The following ZNF571 variants were observed in gnomAD, a reference collection of about 807,000 sequenced individuals.
The protein encoded by ZNF571 is zinc finger protein 571.
Under a neutral mutation model 7.7 loss-of-function variants are expected in ZNF571, and 4 were observed. The ratio of observed to expected loss-of-function variants is 0.52; its 90% CI spans 0.25 to 1.18. The LOEUF is 1.18. Ranked by LOEUF, ZNF571 falls within the 50% of genes most tolerant of loss-of-function variation. The probability of loss-of-function intolerance (pLI) is 0.14; values close to 1 mark genes in which losing one functional copy is unlikely to be tolerated. For synonymous variants in ZNF571, 251 were observed against 232.4 expected (o/e 1.08, Z -0.73); for missense variants, 704 against 726.9 (o/e 0.97, Z 0.36).
At chr19:37,568,285 A>T (rs1004190854) in intron 3 of ZNF571, among the ~76,000 whole-genome samples, 1 of 151,236 alleles carries the variant, frequency 6.6e-6, no homozygotes, top group African/African-American at 2.4e-5. Context: ...TTTGCTGAAA[A>T]GCAAAAAGAA....
At chr19:37,586,902 G>T (rs901693827) in intron 1 of ZNF571, 157 bp from the exon 2 acceptor site, 3 of 570,986 alleles carry the variant, frequency 5.3e-6, no homozygotes, top group Non-Finnish European at 9.3e-6. Flanking sequence ...AAGGGGTTCA[G>T]GCAGACCTTT....
chr19:37,582,660 CG>C (rs1431670536), intron 3 of ZNF571, among the ~76,000 whole-genome samples: 2 of 152,172 alleles, frequency 1.3e-5, no homozygotes, highest in Non-Finnish European at 2.9e-5. Context: ...ATATCAAATA[CG>C]TAACTCTTGA....
chr19:37,564,613 T>G lies in ZNF571; in HGVS notation c.1815A>C (p.Thr605=). The part of the protein sequence containing the change: ...FRCPSQLTQH[T]RLHN Reference sequence around the variant, plus strand: ...CAAGGCTTTCTCAATTATGAAGCCTTGTATGTTGAGTAAGTTGTGAAGGAC... The same window carrying G: ...CAAGGCTTTCTCAATTATGAAGCCTGGTATGTTGAGTAAGTTGTGAAGGAC... Residue 605 remains threonine (T), a synonymous_variant, in exon 4 of 4, where the codon ACA becomes ACC. Transcript: ENST00000451802. 6.5e-7 allele frequency: 1 copy of G among 1,539,512 alleles called. No individual in the cohort carries two copies. The highest frequency in any genetic ancestry group is 8.7e-7 in the Non-Finnish European group (1 of 1,144,130).
Position 37,569,263 on chromosome 19 carries a change from C to T in ZNF571, c.137-2972G>A, listed in dbSNP as rs1189526478. ...TCACTGCGCCTGGCCCCAAAGCATC[C>T]GGAACCACAACAAAAACCTACTCAG... On this transcript the variant is annotated intron_variant, in intron 3 of 3. Transcript: ENST00000451802. The surrounding 1 kb of genome is among the most constrained non-coding windows in gnomAD (Gnocchi z 4.4). 2.0e-5 allele frequency among the ~76,000 whole-genome samples: 3 copies of T among 151,936 alleles called. No individual in the cohort carries two copies. Among genetic ancestry groups the T allele is most frequent in the African/African-American group, 4.8e-5 (2 of 41,380 alleles).
chr19:37,566,576 C>T (rs142946934), intron 3 of ZNF571: 5 of 270,450 alleles, frequency 1.8e-5, no homozygotes, highest in Non-Finnish European at 2.8e-5. Flanking sequence ...ATAAAAACAC[C>T]CTCTTGAAAA....
chr19:37,579,202 C>T (rs1285471099), intron 3 of ZNF571, among the ~76,000 whole-genome samples: 1 of 152,230 alleles, frequency 6.6e-6, no homozygotes, highest in Non-Finnish European at 1.5e-5. Flanking sequence ...CTCCCCACAT[C>T]ATAGCCAGCA....
chr19:37,566,383 T>C (rs2042860777), intron 3 of ZNF571, 92 bp from the exon 4 acceptor site: 1 of 1,412,686 alleles, frequency 7.1e-7, no homozygotes, highest in Non-Finnish European at 9.5e-7. Context: ...ATAATTCTCA[T>C]TAAGAATAGA....
chr19:37,564,925 G>A lies in ZNF571; in HGVS notation c.1503C>T (p.Pro501=), dbSNP rs759898694. The A allele has an allele frequency of 1.2e-6, 2 of 1,613,988 alleles. No individual in the cohort carries two copies. Among genetic ancestry groups the A allele is most frequent in the Admixed American group, 3.3e-5 (2 of 60,010 alleles). ...CCTTGTCACATTCCTTACATTTGTAGGGCTTTTCACCTGTATGAATTCTTT... is the reference window on the plus strand; with the variant it reads ...CCTTGTCACATTCCTTACATTTGTAAGGCTTTTCACCTGTATGAATTCTTT... ...YHQRIHTGEK[P]YKCKECDKAF... Residue 501 remains proline, a synonymous_variant, in exon 4 of 4, where the codon CCC becomes CCT. Transcript: ENST00000451802.
chr19:37,584,655 G>T (rs1201924724), intron 2 of ZNF571, among the ~76,000 whole-genome samples: 1 of 151,996 alleles, frequency 6.6e-6, no homozygotes, highest in African/African-American at 2.4e-5. Context: ...TGCTTATTTG[G>T]GAGTATCTGA....
intron 3 of ZNF571, among the ~76,000 whole-genome samples, chr19:37,579,438 A>C (rs1182607779): frequency 6.6e-6 from 1 of 152,244 alleles, no homozygotes; most frequent in African/African-American, 2.4e-5. Flanking sequence ...CCCCTTCTAC[A>C]GGAAGCAGCA....
chr19:37,578,392 C>G (rs766950208), intron 3 of ZNF571, among the ~76,000 whole-genome samples: 39 of 152,146 alleles, frequency 2.6e-4, no homozygotes, highest in Non-Finnish European at 4.7e-4. Flanking sequence ...GCCACACTTC[C>G]CACATGGCCC....
At chr19:37,574,837 T>C (rs2147174576) in intron 3 of ZNF571, among the ~76,000 whole-genome samples, 1 of 152,306 alleles carries the variant, frequency 6.6e-6, no homozygotes, top group South Asian at 2.1e-4. Context: ...CAGAGTAATC[T>C]CAGTAACAAT....
At chr19:37,582,565 A>G (rs1027710255) in intron 3 of ZNF571, among the ~76,000 whole-genome samples, 1 of 152,028 alleles carries the variant, frequency 6.6e-6, no homozygotes, top group Non-Finnish European at 1.5e-5. Context: ...GTAATCCCAT[A>G]TTTATCTCTT....
chr19:37,592,576 A>G (rs900829623), intron 1 of ZNF571, among the ~76,000 whole-genome samples: 1 of 152,246 alleles, frequency 6.6e-6, no homozygotes, highest in Non-Finnish European at 1.5e-5. Flanking sequence ...AGGTGAAAAA[A>G]AGGAAAGGAT....
Position 37,565,981 on chromosome 19 carries a change from G to C in ZNF571, c.447C>G (p.Ser149Arg), listed in dbSNP as rs772411615. Reference protein sequence around the residue: ...YKCKECRQGFSYLSCLIQHEE... With the variant: ...YKCKECRQGFRYLSCLIQHEE... ...CATGTTGAATAAGGCATGACAGGTA[G>C]CTGAAACCTTGTCTGCATTCCTTAC... Residue 149 changes from serine (S) to arginine (R), a missense_variant, in exon 4 of 4, where the codon AGC becomes AGG. Ser to Arg is a moderately radical substitution (Grantham distance 110). Transcript: ENST00000451802. 4.3e-6 allele frequency: 7 copies of C among 1,613,772 alleles called. No homozygotes were observed. Among genetic ancestry groups the C allele is most frequent in the Middle Eastern group, 3.3e-4 (2 of 6,062 alleles).
At chr19:37,583,750 C>T (rs548011998) in intron 3 of ZNF571, 1 of 441,354 alleles carries the variant, frequency 2.3e-6, no homozygotes, top group Non-Finnish European at 4.0e-6. Flanking sequence ...AGATTCAAAT[C>T]TAGTCCATTG....
chr19:37,565,253 T>A lies in ZNF571; in HGVS notation c.1175A>T (p.Lys392Ile). 6.2e-7 allele frequency: 1 copy of A among 1,612,034 alleles called. No individual in the cohort carries two copies. Among genetic ancestry groups the A allele is most frequent in the African/African-American group, 1.3e-5 (1 of 74,814 alleles). ...AAAGGCTTTCCCACATTCTTTGCAT[T>A]TATAAGGTCTCTCACCTGAATGAAC... Reference protein sequence around the residue: ...LRVHSGERPYKCKECGKAFIS... With the variant: ...LRVHSGERPYICKECGKAFIS... Residue 392 changes from lysine (K) to isoleucine (I), a missense_variant, in exon 4 of 4, where the codon AAA (lysine) becomes ATA (isoleucine). Lys to Ile is a moderately radical substitution (Grantham distance 102, BLOSUM62 -3). Coordinates refer to ENST00000451802, the MANE Select transcript of ZNF571 (RefSeq NM_016536.5).
chr19:37,566,294 G>A lies in ZNF571; in HGVS notation c.137-3C>T, dbSNP rs2042856978. 1 of 1,581,748 alleles carries A rather than the reference G, an allele frequency of 6.3e-7. No individual in the cohort carries two copies. Among genetic ancestry groups the A allele is most frequent in the African/African-American group, 1.4e-5 (1 of 73,376 alleles). On this transcript the variant is annotated splice_polypyrimidine_tract_variant and splice_region_variant and intron_variant, in intron 3 of 3. Coordinates refer to ENST00000451802, the MANE Select transcript of ZNF571 (RefSeq NM_016536.5). ...GGTCACACAACTGGATTCCAAGTCT[G>A]TAGAATAAAAAGAAAGCAAATTCCT... is the stretch of plus-strand genomic sequence containing the variant.
rs150609354 is a variant in ZNF571 at position 37,564,754 on chromosome 19, A to G, written c.1674T>C (p.Tyr558=). The G allele has an allele frequency of 2.4e-5, 39 of 1,613,614 alleles. No homozygotes were observed. Among genetic ancestry groups the G allele is most frequent in the Admixed American group, 5.0e-5 (3 of 59,968 alleles). ...AGGCCCTCCCACATTCCTTACATTC[A>G]TAGGGTTTCTCTCCAGTATGAGTTC... ...HLRTHTGEKP[Y]ECKECGRAFS... The change falls in exon 4 of 4, where the codon TAT becomes TAC. Residue 558 remains tyrosine, a synonymous_variant. Transcript: ENST00000451802.
Sources: gnomAD v4.1 joint callset for allele counts (sites outside exome capture counted in the v4.1 genomes callset) on GRCh38, gnomAD v4.1.1 for gene constraint, Gnocchi (gnomAD v3.1) non-coding constraint, MANE v1.5 for transcripts, NCBI Gene and HGNC (gene_info 2026-07-23, HGNC 2026-07-21) for gene names.